GCNT2: variants seen among roughly 807,000 people sequenced by gnomAD.
GCNT2 encodes N-acetyllactosaminide beta-1,6-N-acetylglucosaminyl-transferase.
A neutral mutation model predicts 34.2 loss-of-function variants in GCNT2; 34 were observed. The ratio of observed to expected loss-of-function variants is 1.00; its 90% confidence interval spans 0.76 to 1.32. The LOEUF (loss-of-function observed/expected upper bound fraction) is 1.32, where lower values mean the gene tolerates loss of function less well. Among genes scored for constraint, GCNT2 ranks in the 40% most tolerant of loss-of-function variants. The pLI is 0.00. For missense variants in GCNT2, 584 were observed against 489.4 expected, an observed-to-expected ratio of 1.19 and a Z score of -1.82; for synonymous variants, 212 against 188.0, an observed-to-expected ratio of 1.13 and a Z score of -1.04.
intron 3 of GCNT2, among the ~76,000 whole-genome samples, chr6:10,537,394 A>G (rs1278793658): frequency 2.0e-5 from 3 of 152,042 alleles, no homozygotes; most frequent in Non-Finnish European, 4.4e-5. Context: ...AGTGGAAAAT[A>G]CCATAAATCA....
chr6:10,626,663 GTTTT>G lies in GCNT2; in HGVS notation c.*58_*61del. ...AAACTGCAGCTGGGAAGAGGAGCCT[GTTTT>G]TGTGAGAGACTTTTGCCTTCGTAAT... On this transcript the variant is annotated 3_prime_UTR_variant, in exon 5 of 5. Transcript: ENST00000495262. 7.5e-7 allele frequency: 1 copy of G among 1,324,606 alleles called. No individual in the cohort carries two copies. Among genetic ancestry groups the G allele is most frequent in the Non-Finnish European group, 1.1e-6 (1 of 918,142 alleles). 82.1% of individuals were successfully genotyped at this position (1,324,606 alleles called of 1,614,324 possible).
intron 3 of GCNT2, among the ~76,000 whole-genome samples, chr6:10,555,414 T>G (rs1396236854): frequency 1.3e-5 from 2 of 152,228 alleles, no homozygotes; most frequent in East Asian, 3.9e-4. Context: ...TAAGCTTAAC[T>G]GGGCAGGCAT....
intron 3 of GCNT2, among the ~76,000 whole-genome samples, chr6:10,589,091 GGT>G (rs1451404009): frequency 1.4e-4 from 17 of 121,056 alleles, no homozygotes; most frequent in Non-Finnish European, 2.5e-4. Flanking sequence ...TTTGTAGTGT[GGT>G]GTGTGTGTAG....
At chr6:10,544,198 C>G (rs1762165342) in intron 3 of GCNT2, among the ~76,000 whole-genome samples, 1 of 152,126 alleles carries the variant, frequency 6.6e-6, no homozygotes, top group East Asian at 1.9e-4. Flanking sequence ...CCTGTAATCC[C>G]AGCTACTTGG....
At chr6:10,594,886 C>T (rs941939311) in intron 3 of GCNT2, among the ~76,000 whole-genome samples, 6 of 151,920 alleles carry the variant, frequency 3.9e-5, no homozygotes, top group Admixed American at 2.6e-4. Context: ...TGCTCTGTTC[C>T]CCAGGCTGGA....
At chr6:10,592,325 A>G (rs1170149565) in intron 3 of GCNT2, among the ~76,000 whole-genome samples, 1 of 152,204 alleles carries the variant, frequency 6.6e-6, no homozygotes, top group Non-Finnish European at 1.5e-5. Flanking sequence ...GATTTTCAAA[A>G]TATTGCGTTA....
intron 3 of GCNT2, among the ~76,000 whole-genome samples, chr6:10,568,184 A>G (rs1242214493): frequency 6.6e-6 from 1 of 152,062 alleles, no homozygotes; most frequent in African/African-American, 2.4e-5. Flanking sequence ...ACTTCCCTGT[A>G]GTGAGCTCCC....
At chr6:10,553,792 G>A (rs559286964) in intron 3 of GCNT2, among the ~76,000 whole-genome samples, 1 of 152,346 alleles carries the variant, frequency 6.6e-6, no homozygotes, top group East Asian at 1.9e-4. Flanking sequence ...TACTTGTGAG[G>A]CTGAGGCAGG....
At chr6:10,566,990 T>A (rs1763311289) in intron 3 of GCNT2, among the ~76,000 whole-genome samples, 1 of 152,172 alleles carries the variant, frequency 6.6e-6, no homozygotes, top group African/African-American at 2.4e-5. Flanking sequence ...CAAACGAACT[T>A]CTTCATCTAG....
chr6:10,581,263 A>ATTTATTT (rs568728134), intron 3 of GCNT2, among the ~76,000 whole-genome samples: 1 of 151,980 alleles, frequency 6.6e-6, no homozygotes, highest in Non-Finnish European at 1.5e-5. Context: ...GTATGTATTT[A>ATTTATTT]TTTATTTTTT....
At chr6:10,604,752 T>G (rs1765236567) in intron 3 of GCNT2, among the ~76,000 whole-genome samples, 1 of 151,920 alleles carries the variant, frequency 6.6e-6, no homozygotes. Flanking sequence ...TCCCAGCTAC[T>G]TGGGAGGCTG....
At chr6:10,555,103 C>T (rs1377860873) in intron 3 of GCNT2, among the ~76,000 whole-genome samples, 1 of 152,070 alleles carries the variant, frequency 6.6e-6, no homozygotes, top group Non-Finnish European at 1.5e-5. Flanking sequence ...CATTAAAGGA[C>T]ATTCTTTCTG....
chr6:10,533,013 G>A (rs534606231), intron 3 of GCNT2, among the ~76,000 whole-genome samples: 2 of 143,338 alleles, frequency 1.4e-5, no homozygotes, highest in South Asian at 4.7e-4. Context: ...ATTCTGTAAA[G>A]TAACTAGTCC....
rs1160636599 is a variant in GCNT2, at chr6:10,537,715, AAAAAAAAAAAAC to A, written c.925+7884_925+7895del. On this transcript the variant is annotated intron_variant, in intron 3 of 4. Coordinates refer to ENST00000495262, the MANE Select transcript of GCNT2 (RefSeq NM_145649.5). ...TTCTGCCGCAAAAAAAAAAAAAAAA[AAAAAAAAAAAAC>A]AAAACAAAGAAAACGAAAGAAAATG... is the stretch of plus-strand genomic sequence containing the variant. Among the ~76,000 whole-genome samples, 467 of 146,842 alleles carry A rather than the reference AAAAAAAAAAAAC, an allele frequency of 3.2e-3. 6 individuals are homozygous for A. The highest frequency in any genetic ancestry group is 0.011 in the African/African-American group (449 of 39,876).
At chr6:10,537,287 ACT>A (rs1471210878) in intron 3 of GCNT2, among the ~76,000 whole-genome samples, 1 of 152,004 alleles carries the variant, frequency 6.6e-6, no homozygotes, top group African/African-American at 2.4e-5. Context: ...TGTGGCTCAC[ACT>A]CTATCCTTAC....
intron 3 of GCNT2, among the ~76,000 whole-genome samples, chr6:10,602,478 A>G (rs1336596423): frequency 6.6e-6 from 1 of 152,236 alleles, no homozygotes; most frequent in Non-Finnish European, 1.5e-5. Context: ...GTAGAATAAG[A>G]CTGTAAACAG....
In GCNT2 at chr6:10,574,951, A is replaced by G. The variant is rs187308591; in HGVS notation, c.925+45115A>G. 136 of 722,950 alleles carry G rather than the reference A, an allele frequency of 1.9e-4. No individual in the cohort carries two copies. In the African/African-American group the frequency reaches 1.9e-3, roughly 10 times the overall value. 44.8% of individuals were successfully genotyped at this position (722,950 alleles called of 1,614,324 possible). ...GCTCTTAGAGTGCTTAATGTGCTCA[A>G]TACACACATTAATTCTCTTGGCAAG... On this transcript the variant is annotated intron_variant, in intron 3 of 4. Coordinates refer to ENST00000495262, the MANE Select transcript of GCNT2 (RefSeq NM_145649.5).
chr6:10,599,698 A>G (rs1765017655), intron 3 of GCNT2, among the ~76,000 whole-genome samples: 1 of 152,140 alleles, frequency 6.6e-6, no homozygotes, highest in Non-Finnish European at 1.5e-5. Context: ...GATCTTTTCA[A>G]TTCTCCACAC....
chr6:10,580,368 C>T (rs1764018538), intron 3 of GCNT2, among the ~76,000 whole-genome samples: 1 of 152,218 alleles, frequency 6.6e-6, no homozygotes, highest in African/African-American at 2.4e-5. Flanking sequence ...CGGCCCTGCT[C>T]GTCTGACCCT....
Sources: gnomAD v4.1 joint callset for allele counts (sites outside exome capture counted in the v4.1 genomes callset) on GRCh38, gnomAD v4.1.1 for gene constraint, MANE v1.5 for transcripts, NCBI Gene and HGNC (gene_info 2026-07-23, HGNC 2026-07-21) for gene names.